Variants in EML6 observed in about 807,000 individuals in gnomAD.
EML6 encodes the protein echinoderm microtubule-associated protein-like 6.
Under a neutral mutation model 240.1 loss-of-function variants are expected in EML6, and 154 were observed. The observed-to-expected ratio is 0.64, with a 90% CI of 0.56 to 0.73. The LOEUF (loss-of-function observed/expected upper bound fraction) is 0.73, where lower values mean the gene tolerates loss of function less well. EML6 is among the 30% of genes least tolerant of loss of function. EML6 has a pLI of 0.00. For missense variants in EML6, 2,964 were observed against 2,474.6 expected, an observed-to-expected ratio of 1.20 and a Z score of -4.20; for synonymous variants, 1,148 against 899.0, an observed-to-expected ratio of 1.28 and a Z score of -4.95.
chr2:54,953,321 G>A (rs936357962), intron 31 of EML6, among the ~76,000 whole-genome samples: 3 of 152,160 alleles, frequency 2.0e-5, no homozygotes, highest in African/African-American at 7.2e-5. Context: ...CCCCAGGTAA[G>A]GCTGTTCCAT....
intron 24 of EML6, among the ~76,000 whole-genome samples, chr2:54,904,765 T>C (rs1243690519): frequency 6.6e-6 from 1 of 152,100 alleles, no homozygotes; most frequent in Non-Finnish European, 1.5e-5. Context: ...CCTCCCATCT[T>C]GGGGAGAAGA....
intron 28 of EML6, among the ~76,000 whole-genome samples, chr2:54,929,026 GA>G (rs3214690): frequency 0.48 from 73,504 of 151,934 alleles, 18,079 homozygotes; most frequent in South Asian, 0.63. Flanking sequence ...TCCATGCCCA[GA>G]AAAAAATGCT....
Position 54,891,163 on chromosome 2 carries a change from GT to G in EML6, c.2539+12del. 7.2e-7 allele frequency: 1 copy of G among 1,394,424 alleles called. No individual in the cohort carries two copies. Among genetic ancestry groups the G allele is most frequent in the Non-Finnish European group, 9.8e-7 (1 of 1,023,096 alleles). 86.4% of individuals were successfully genotyped at this position (1,394,424 alleles called of 1,614,324 possible). ...ATTCTGGCAACAAGCAGGTACTGTCGTTTGGGTTTATCATTTATGTGATTGA... is the reference window on the plus strand; with the variant it reads ...ATTCTGGCAACAAGCAGGTACTGTCGTTGGGTTTATCATTTATGTGATTGA... On this transcript the variant is annotated intron_variant, in intron 18 of 41. Coordinates refer to ENST00000356458, the MANE Select transcript of EML6 (RefSeq NM_001039753.4).
At chr2:54,909,118 C>T (rs1021437109) in intron 24 of EML6, among the ~76,000 whole-genome samples, 5 of 152,166 alleles carry the variant, frequency 3.3e-5, no homozygotes, top group African/African-American at 1.2e-4. Flanking sequence ...GGATTACAGT[C>T]CTCTGAATTA....
At chr2:54,947,812 G>C (rs1330698162) in intron 28 of EML6, among the ~76,000 whole-genome samples, 1 of 152,172 alleles carries the variant, frequency 6.6e-6, no homozygotes, top group Non-Finnish European at 1.5e-5. Flanking sequence ...CAGGGTATGA[G>C]CTTTCTGAAT....
At position 54,903,003 on chromosome 2, in the gene EML6, A is replaced by G. The variant is rs372999969; in HGVS notation, c.3125-41A>G. ...TTTTCATGTGGTTTGCTTGACAGTG[A>G]AGTTTTGGATAATAAGTGTTTTTTG... is the stretch of plus-strand genomic sequence containing the variant. On this transcript the variant is annotated intron_variant, in intron 22 of 41. Coordinates refer to ENST00000356458, the MANE Select transcript of EML6 (RefSeq NM_001039753.4). 220 of 1,536,374 alleles carry G rather than the reference A, an allele frequency of 1.4e-4. 1 individual carries two copies. The African/African-American group carries it at 2.5e-3, about 18-fold the overall frequency.
chr2:54,783,024 C>G (rs895464752), intron 2 of EML6, among the ~76,000 whole-genome samples: 4 of 152,118 alleles, frequency 2.6e-5, no homozygotes, highest in African/African-American at 9.7e-5. Context: ...CTGTCATTGC[C>G]CAATTAGCTC....
intron 7 of EML6, among the ~76,000 whole-genome samples, chr2:54,830,469 G>C (rs1668813636): frequency 6.6e-6 from 1 of 152,158 alleles, no homozygotes; most frequent in South Asian, 2.1e-4. Flanking sequence ...TTTTAGAGAA[G>C]ACCCTGTGAC....
intron 2 of EML6, among the ~76,000 whole-genome samples, chr2:54,806,385 G>GGTGGATCACCTGAGGTCA (rs1670480853): frequency 6.6e-6 from 1 of 151,992 alleles, no homozygotes; most frequent in Admixed American, 6.5e-5. Context: ...GGCTGAGGTC[G>GGTGGATCACCTGAGGTCA]GTGGATCACC....
intron 15 of EML6, among the ~76,000 whole-genome samples, chr2:54,871,151 C>T (rs944973834): frequency 6.6e-6 from 1 of 152,092 alleles, no homozygotes; most frequent in East Asian, 1.9e-4. Context: ...AAGTGACTTC[C>T]CTGACTGAGA....
intron 28 of EML6, among the ~76,000 whole-genome samples, chr2:54,934,902 A>C (rs1675057923): frequency 1.3e-5 from 2 of 152,244 alleles, no homozygotes; most frequent in Admixed American, 1.3e-4. Context: ...TCTCAAGGGA[A>C]AGATATATCA....
intron 26 of EML6, 54 bp downstream of exon 26, chr2:54,916,989 A>G (rs1299821683): frequency 7.5e-7 from 1 of 1,338,208 alleles, no homozygotes. Flanking sequence ...ATAACCTTAA[A>G]TATTGTATCT....
intron 7 of EML6, among the ~76,000 whole-genome samples, chr2:54,839,406 G>A (rs1669324217): frequency 6.6e-6 from 1 of 152,166 alleles, no homozygotes; most frequent in African/African-American, 2.4e-5. Flanking sequence ...GTGGACAGAC[G>A]CCATGAGATT....
Position 54,970,216 on chromosome 2 carries a change from C to A in EML6, c.*121C>A. 1 of 956,472 alleles carries A rather than the reference C, an allele frequency of 1.0e-6. No homozygotes were observed. The highest frequency in any genetic ancestry group is 1.6e-6 in the Non-Finnish European group (1 of 610,318). The allele number at this position is 956,472 out of a possible 1,614,324, so 59.2% of individuals were successfully genotyped here. On this transcript the variant is annotated 3_prime_UTR_variant, in exon 42 of 42. Transcript: ENST00000356458. Reference sequence around the variant, plus strand: ...AATGCCTACCATGCTGCCCCGGATGCACAAGCTCAAAACGCTGCAGAAGTT... The same window carrying A: ...AATGCCTACCATGCTGCCCCGGATGAACAAGCTCAAAACGCTGCAGAAGTT...
intron 16 of EML6, among the ~76,000 whole-genome samples, chr2:54,875,350 T>C (rs1210987258): frequency 2.0e-5 from 3 of 152,242 alleles, no homozygotes; most frequent in Non-Finnish European, 4.4e-5. Flanking sequence ...TAGACCTCCT[T>C]GTTTAACGGT....
At chr2:54,838,924 A>C (rs960620670) in intron 7 of EML6, among the ~76,000 whole-genome samples, 15 of 152,230 alleles carry the variant, frequency 9.9e-5, no homozygotes, top group Non-Finnish European at 1.9e-4. Flanking sequence ...TTAAATAATG[A>C]GGATGGTTTC....
intron 28 of EML6, among the ~76,000 whole-genome samples, chr2:54,941,725 T>C (rs987988393): frequency 1.3e-5 from 2 of 152,240 alleles, no homozygotes; most frequent in African/African-American, 4.8e-5. Flanking sequence ...TTGTTTAAGC[T>C]GAGCCCAGCT....
At chr2:54,781,092 A>G (rs541740946) in intron 2 of EML6, among the ~76,000 whole-genome samples, 2 of 152,376 alleles carry the variant, frequency 1.3e-5, no homozygotes, top group East Asian at 3.9e-4. Flanking sequence ...ACCTGCCTGC[A>G]TTGCTCTGAG....
intron 10 of EML6, among the ~76,000 whole-genome samples, chr2:54,851,213 A>C (rs1670066577): frequency 6.6e-6 from 1 of 152,074 alleles, no homozygotes; most frequent in African/African-American, 2.4e-5. Context: ...GTTCGAAATC[A>C]ACCTGGCCAA....
Sources: gnomAD v4.1 joint callset for allele counts (sites outside exome capture counted in the v4.1 genomes callset) on GRCh38, gnomAD v4.1.1 for gene constraint, MANE v1.5 for transcripts, NCBI Gene and HGNC (gene_info 2026-07-23, HGNC 2026-07-21) for gene names.